Variants in SARDH observed in about 807,000 individuals in gnomAD.
SARDH encodes the protein sarcosine dehydrogenase.
SARDH carries 95 observed loss-of-function variants against 109.1 expected under a neutral mutation model. The observed-to-expected ratio is 0.87, with a 90% CI of 0.74 to 1.03. SARDH has a LOEUF of 1.03. Among genes scored for constraint, SARDH ranks in the 50% least tolerant of loss-of-function variants. The pLI is 0.00. For synonymous variants in SARDH, 572 were observed against 534.8 expected (o/e 1.07, Z -0.96); for missense variants, 1,267 against 1,287.8 (o/e 0.98, Z 0.25).
At position 133,729,706 on chromosome 9, in the gene SARDH, C is replaced by T. The variant is rs115015270; in HGVS notation, c.915+59G>A. On this transcript the variant is annotated intron_variant, in intron 6 of 20. Transcript: ENST00000439388. Reference sequence around the variant, plus strand: ...CACCACCTGGGTTCAAGCTGGGATTCAGAGCCAGGTCTCTGTGCCCCCCAC... The same window carrying T: ...CACCACCTGGGTTCAAGCTGGGATTTAGAGCCAGGTCTCTGTGCCCCCCAC... 1,616 of 1,493,658 alleles carry T rather than the reference C, an allele frequency of 1.1e-3. 23 individuals carry two copies. The African/African-American group carries it at 0.019, about 18-fold the overall frequency. The allele number at this position is 1,493,658 out of a possible 1,614,324, so 92.5% of individuals were successfully genotyped here. A position where few individuals can be genotyped will look rare whatever the true frequency, so the allele number is the denominator to read the frequency against.
At chr9:133,698,992 G>A (rs1215105721) in intron 13 of SARDH, among the ~76,000 whole-genome samples, 1 of 152,170 alleles carries the variant, frequency 6.6e-6, no homozygotes, top group African/African-American at 2.4e-5. Flanking sequence ...GGGAGAGTGT[G>A]TGCACATTAC....
chr9:133,733,983 G>A lies in SARDH; in HGVS notation c.191C>T (p.Pro64Leu), dbSNP rs1832776238. Reference sequence around the variant, plus strand: ...AATGACCACCACGTTGGCCGTGCTGGGCAGGGGCCGGCTTGGGCCTTGGGC... The same window carrying A: ...AATGACCACCACGTTGGCCGTGCTGAGCAGGGGCCGGCTTGGGCCTTGGGC... ...VVAQGPSRPL[P>L]STANVVVIGG... The change falls in exon 2 of 21, where the codon CCC becomes CTC. Residue 64 changes from proline (P) to leucine (L), a missense_variant. Transcript: ENST00000439388. 6.2e-7 allele frequency: 1 copy of A among 1,612,524 alleles called. No individual in the cohort carries two copies. Among genetic ancestry groups the A allele is most frequent in the Non-Finnish European group, 8.5e-7 (1 of 1,179,706 alleles).
intron 12 of SARDH, 125 bp from the exon 13 acceptor site, chr9:133,703,154 C>G (rs1831556227): frequency 1.3e-6 from 1 of 799,858 alleles, no homozygotes; most frequent in Non-Finnish European, 2.0e-6. Context: ...GAGCCCTGCA[C>G]TGAGTGCCCG....
chr9:133,724,851 T>C (rs1832435589), intron 6 of SARDH, among the ~76,000 whole-genome samples: 1 of 152,154 alleles, frequency 6.6e-6, no homozygotes. Context: ...AAGTGTTGGA[T>C]TTTGGAGCAT....
At chr9:133,661,406 A>G (rs1189381270), downstream of SARDH, among the ~76,000 whole-genome samples, 1 of 151,690 alleles carries the variant, frequency 6.6e-6, no homozygotes, top group Non-Finnish European at 1.5e-5. Context: ...CATACCCCCA[A>G]CTTTTCACAT....
chr9:133,663,815 T>A lies in SARDH; in HGVS notation c.*74A>T. The A allele has an allele frequency of 6.3e-7, 1 of 1,587,618 alleles. No homozygotes were observed. Among genetic ancestry groups the A allele is most frequent in the South Asian group, 1.1e-5 (1 of 87,156 alleles). ...GCACAAGTTCTGGCTGGGTCCAGGGTCCTGGGACCCAGGGCCATTTGGGAC... is the reference window on the plus strand; with the variant it reads ...GCACAAGTTCTGGCTGGGTCCAGGGACCTGGGACCCAGGGCCATTTGGGAC... On this transcript the variant is annotated 3_prime_UTR_variant, in exon 21 of 21. Coordinates refer to ENST00000439388, the MANE Select transcript of SARDH (RefSeq NM_001134707.2).
At chr9:133,679,191 GTCTC>G (rs1830612848) in intron 17 of SARDH, among the ~76,000 whole-genome samples, 1 of 152,218 alleles carries the variant, frequency 6.6e-6, no homozygotes, top group African/African-American at 2.4e-5. Flanking sequence ...GCGGCCACCA[GTCTC>G]TCTGTGCTGC....
At position 133,712,600 on chromosome 9, in the gene SARDH, G is replaced by A; in HGVS notation, c.1328+19C>T. 1 of 1,600,556 alleles carries A rather than the reference G, an allele frequency of 6.2e-7. No individual in the cohort carries two copies. On this transcript the variant is annotated intron_variant, in intron 10 of 20. Coordinates refer to ENST00000439388, the MANE Select transcript of SARDH (RefSeq NM_001134707.2). The surrounding 1 kb of genome is among the most constrained non-coding windows in gnomAD (Gnocchi z 4.1). ...TCCTGAGTGGCGGGCCCTGCCCTTA[G>A]GTCCCAATGGGCACTTACCTGATGT...
intron 17 of SARDH, among the ~76,000 whole-genome samples, chr9:133,673,690 G>A (rs543689563): frequency 4.3e-4 from 66 of 152,376 alleles, no homozygotes; most frequent in African/African-American, 1.5e-3. Flanking sequence ...GGTGCAAGCC[G>A]TAGGCCCCTG....
intron 17 of SARDH, among the ~76,000 whole-genome samples, chr9:133,672,376 G>A (rs10121428): frequency 0.014 from 2,180 of 152,356 alleles, 67 homozygotes; most frequent in African/African-American, 0.048. Flanking sequence ...GAGTTAGGAT[G>A]TAGATATATG....
intron 14 of SARDH, among the ~76,000 whole-genome samples, chr9:133,695,639 CAATA>C (rs1831258258): frequency 7.0e-6 from 1 of 143,142 alleles, no homozygotes; most frequent in African/African-American, 2.6e-5. Flanking sequence ...AGAACCGTGA[CAATA>C]AATTGGTGTT....
rs1832334772 is a variant in SARDH, at chr9:133,721,792, C to G, written c.916-2750G>C. ...ATACCCCCAACAAAACAATAGCAAA[C>G]TGAATCCAGCAATATATAAGAGAGA... On this transcript the variant is annotated intron_variant, in intron 6 of 20. Coordinates refer to ENST00000439388, the MANE Select transcript of SARDH (RefSeq NM_001134707.2). Among the ~76,000 whole-genome samples the G allele has an allele frequency of 2.6e-5, 4 of 152,194 alleles. No homozygotes were observed. The South Asian group carries it at 8.3e-4, about 32-fold the overall frequency.
At chr9:133,735,540 C>T (rs536611948) in intron 1 of SARDH, among the ~76,000 whole-genome samples, 6 of 152,304 alleles carry the variant, frequency 3.9e-5, no homozygotes, top group Non-Finnish European at 7.4e-5. Flanking sequence ...GTCCTGGGGA[C>T]GCAGCAACCG....
chr9:133,699,014 G>A (rs1430876658), intron 13 of SARDH, among the ~76,000 whole-genome samples: 1 of 152,180 alleles, frequency 6.6e-6, no homozygotes, highest in Non-Finnish European at 1.5e-5. Context: ...GATCTGATAA[G>A]AGACTTGTAA....
chr9:133,685,375 A>G (rs975069646), intron 16 of SARDH, 89 bp from the exon 17 acceptor site: 19 of 955,926 alleles, frequency 2.0e-5, no homozygotes, highest in Non-Finnish European at 2.9e-5. Flanking sequence ...CATGAGTGGG[A>G]TAAGTCCCTG....
intron 17 of SARDH, among the ~76,000 whole-genome samples, chr9:133,675,145 A>C (rs1194343250): frequency 6.6e-6 from 1 of 152,114 alleles, no homozygotes; most frequent in Non-Finnish European, 1.5e-5. Flanking sequence ...GGAGCTCGAG[A>C]CCACCCTGGC....
intron 13 of SARDH, among the ~76,000 whole-genome samples, chr9:133,698,889 CA>C (rs1281097523): frequency 1.3e-5 from 2 of 152,116 alleles, no homozygotes; most frequent in African/African-American, 4.8e-5. Flanking sequence ...ACACAAGCAA[CA>C]AAACAAAAAC....
chr9:133,672,338 A>C (rs1830379425), intron 17 of SARDH, among the ~76,000 whole-genome samples: 1 of 152,220 alleles, frequency 6.6e-6, no homozygotes, highest in Non-Finnish European at 1.5e-5. Flanking sequence ...TCCTATTTCC[A>C]AACAAGGCCC....
chr9:133,681,262 G>A lies in SARDH; in HGVS notation c.2163+3931C>T, dbSNP rs537493161. On this transcript the variant is annotated intron_variant, in intron 17 of 20. Coordinates refer to ENST00000439388, the MANE Select transcript of SARDH (RefSeq NM_001134707.2). ...GGCAGCTGATGTGGGCTCCCGGCTCGTCCACAGGCCCCTGGGGTCAGTCCC... is the reference window on the plus strand; with the variant it reads ...GGCAGCTGATGTGGGCTCCCGGCTCATCCACAGGCCCCTGGGGTCAGTCCC... Among the ~76,000 whole-genome samples, 44 of 152,308 alleles carry A rather than the reference G, an allele frequency of 2.9e-4. 2 individuals carry two copies. The highest frequency in any genetic ancestry group is 2.4e-3 in the Admixed American group (37 of 15,310).
Sources: allele counts gnomAD v4.1 joint callset (sites outside exome capture counted in the v4.1 genomes callset), GRCh38; gene constraint gnomAD v4.1.1; non-coding constraint Gnocchi (gnomAD v3.1); transcripts MANE v1.5; gene names NCBI Gene and HGNC (gene_info 2026-07-23, HGNC 2026-07-21).